The following MKRN2 variants were observed in gnomAD, a reference collection of about 807,000 sequenced individuals.
MKRN2 encodes E3 ubiquitin-protein ligase makorin-2.
Under a neutral mutation model 45.4 loss-of-function variants are expected in MKRN2, and 32 were observed. That is an observed-to-expected ratio of 0.70 (90% CI 0.53 to 0.95). MKRN2 has a LOEUF of 0.95. Among genes scored for constraint, MKRN2 ranks in the 40% least tolerant of loss-of-function variants. The pLI, the probability that MKRN2 is intolerant of heterozygous loss-of-function variation, is 0.00. For missense variants in MKRN2, 526 were observed against 536.7 expected, an observed-to-expected ratio of 0.98 and a Z score of 0.20; for synonymous variants, 206 against 192.4, an observed-to-expected ratio of 1.07 and a Z score of -0.59.
At chr3:12,570,349 A>ACT in intron 3 of MKRN2, 97 bp downstream of exon 3, 1 of 1,218,424 alleles carries the variant, frequency 8.2e-7, no homozygotes, top group Non-Finnish European at 1.1e-6. Flanking sequence ...GAGGACTCCT[A>ACT]ACCTAATACA....
chr3:12,569,984 C>T (rs1181297306), intron 2 of MKRN2, 87 bp from the exon 3 acceptor site: 1 of 1,283,840 alleles, frequency 7.8e-7, no homozygotes, highest in East Asian at 2.4e-5. Flanking sequence ...ACAAGTGCAG[C>T]AGAAGGAGGG....
At chr3:12,574,298 G>A (rs2058117683) in intron 4 of MKRN2, among the ~76,000 whole-genome samples, 1 of 152,156 alleles carries the variant, frequency 6.6e-6, no homozygotes, top group South Asian at 2.1e-4. Flanking sequence ...AGGAATTCAG[G>A]GCATGCCTAG....
intron 1 of MKRN2, among the ~76,000 whole-genome samples, chr3:12,566,454 TTCTC>T (rs34029961): frequency 2.0e-5 from 3 of 151,254 alleles, no homozygotes; most frequent in South Asian, 2.1e-4. Flanking sequence ...GCAAGTTTGT[TTCTC>T]TCTCTCTCTC....
intron 4 of MKRN2, 136 bp from the exon 5 acceptor site, chr3:12,574,656 G>A (rs749980090): frequency 4.5e-5 from 36 of 796,842 alleles, no homozygotes; most frequent in Non-Finnish European, 7.0e-5. Flanking sequence ...GGGGAGCCTG[G>A]GCCTTTGCTC....
chr3:12,560,442 G>T (rs2596820), intron 1 of MKRN2, among the ~76,000 whole-genome samples: 1 of 147,554 alleles, frequency 6.8e-6, no homozygotes, highest in African/African-American at 2.5e-5. Flanking sequence ...GAGTATAGCC[G>T]TAAAATTTTA....
intron 5 of MKRN2, among the ~76,000 whole-genome samples, chr3:12,576,039 T>TG (rs1420329914): frequency 2.2e-4 from 33 of 152,068 alleles, no homozygotes; most frequent in Non-Finnish European, 4.4e-4. Flanking sequence ...CACCTGGGCG[T>TG]GGGATTGCTA....
intron 1 of MKRN2, among the ~76,000 whole-genome samples, chr3:12,559,001 C>T (rs1282128909): frequency 6.6e-6 from 1 of 152,162 alleles, no homozygotes; most frequent in Non-Finnish European, 1.5e-5. Flanking sequence ...TTCATGCCCT[C>T]ATAGACTGTA....
chr3:12,569,528 A>T (rs1370144317), intron 2 of MKRN2, among the ~76,000 whole-genome samples: 1 of 152,174 alleles, frequency 6.6e-6, no homozygotes, highest in African/African-American at 2.4e-5. Context: ...AATTGTACAC[A>T]ATTCCGGAAA....
Position 12,557,188 on chromosome 3 carries a change from G to A in MKRN2, c.26+12G>A. 6.5e-7 allele frequency: 1 copy of A among 1,534,980 alleles called. No individual in the cohort carries two copies. Among genetic ancestry groups the A allele is most frequent in the Non-Finnish European group, 8.8e-7 (1 of 1,142,738 alleles). ...CAGATCACTTGCAGGTCAGTGCGCT[G>A]GAGCCAGGAGCTTCGGGCCGCTCCC... On this transcript the variant is annotated intron_variant, in intron 1 of 7. Coordinates refer to ENST00000170447, the MANE Select transcript of MKRN2 (RefSeq NM_014160.5).
Position 12,582,164 on chromosome 3 carries a change from C to G in MKRN2, c.1162C>G (p.Arg388Gly). Residue 388 changes from arginine (R) to glycine (G), a missense_variant, in exon 8 of 8, where the codon CGG becomes GGG. Arg to Gly is a moderately radical substitution (Grantham distance 125). Transcript: ENST00000170447. The part of the protein sequence containing the change: ...LWDFIENRES[R>G]HVPNNEDVDM... ...GGATTTCATCGAGAACCGAGAAAGCCGGCATGTCCCCAACAATGAAGATGT... is the reference window on the plus strand; with the variant it reads ...GGATTTCATCGAGAACCGAGAAAGCGGGCATGTCCCCAACAATGAAGATGT... 6.2e-7 allele frequency: 1 copy of G among 1,614,094 alleles called. No homozygotes were observed.
At chr3:12,557,557 C>T (rs1334249617) in intron 1 of MKRN2, among the ~76,000 whole-genome samples, 1 of 152,220 alleles carries the variant, frequency 6.6e-6, no homozygotes, top group Non-Finnish European at 1.5e-5. Flanking sequence ...AGGACGGTTA[C>T]AAATGGGGAT....
intron 2 of MKRN2, 100 bp from the exon 3 acceptor site, chr3:12,569,971 T>TC: frequency 8.4e-7 from 1 of 1,187,598 alleles, no homozygotes; most frequent in South Asian, 1.7e-5. Flanking sequence ...CTTCTTCACC[T>TC]CAACAAGTGC....
At chr3:12,570,393 C>A in intron 3 of MKRN2, 141 bp downstream of exon 3, 1 of 844,628 alleles carries the variant, frequency 1.2e-6, no homozygotes, top group Non-Finnish European at 1.8e-6. Flanking sequence ...GACTTCAGAA[C>A]TGTTCTGAAG....
At chr3:12,579,333 T>C (rs1575523631) in intron 6 of MKRN2, among the ~76,000 whole-genome samples, 1 of 151,982 alleles carries the variant, frequency 6.6e-6, no homozygotes, top group African/African-American at 2.4e-5. Context: ...CCCAGCTAAT[T>C]TTTGTATTTT....
intron 6 of MKRN2, among the ~76,000 whole-genome samples, chr3:12,577,495 A>G (rs1039350048): frequency 3.3e-5 from 5 of 151,850 alleles, no homozygotes; most frequent in African/African-American, 1.2e-4. Flanking sequence ...CTCCTTGAAC[A>G]TAGTTGTAGC....
chr3:12,581,383 A>G (rs2058177434), intron 6 of MKRN2, among the ~76,000 whole-genome samples: 1 of 152,168 alleles, frequency 6.6e-6, no homozygotes, highest in East Asian at 1.9e-4. Context: ...GAGGAAGGGG[A>G]GAGTTGGCTT....
intron 1 of MKRN2, among the ~76,000 whole-genome samples, chr3:12,560,594 G>A (rs1369930120): frequency 2.6e-5 from 4 of 151,994 alleles, no homozygotes; most frequent in East Asian, 3.9e-4. Context: ...AAACCAGATT[G>A]ATTGTTTTGC....
chr3:12,560,610 ACTG>A, intron 1 of MKRN2: 1 of 152,326 alleles, frequency 6.6e-6, no homozygotes, highest in Non-Finnish European at 1.5e-5. Flanking sequence ...TTTGCTTAGC[ACTG>A]CTGCTGCTGG....
In MKRN2 at chr3:12,576,732, A is replaced by AG; in HGVS notation, c.963dup (p.Met322AspfsTer7). ...AACGAGTTGATTGAAGCTTTCAAAC[A>AG]GGGGATGGGGTAAGTGCTTTTGAGT... On this transcript the variant is annotated frameshift_variant, in exon 6 of 8. Coordinates refer to ENST00000170447, the MANE Select transcript of MKRN2 (RefSeq NM_014160.5). LOFTEE classifies it high-confidence loss of function. 6.3e-7 allele frequency: 1 copy of AG among 1,598,536 alleles called. No individual in the cohort carries two copies. The highest frequency in any genetic ancestry group is 1.1e-5 in the South Asian group (1 of 90,748).
Sources: gnomAD v4.1 joint callset for allele counts (sites outside exome capture counted in the v4.1 genomes callset) on GRCh38, gnomAD v4.1.1 for gene constraint, MANE v1.5 for transcripts, NCBI Gene and HGNC (gene_info 2026-07-23, HGNC 2026-07-21) for gene names.